Variants in FAM133A observed in about 807,000 individuals in gnomAD.
The protein encoded by FAM133A is family with sequence similarity 133 member A, also known as protein FAM133A.
For missense variants in FAM133A, 159 were observed against 164.4 expected, an observed-to-expected ratio of 0.97 and a Z score of 0.18; for synonymous variants, 65 against 58.6, an observed-to-expected ratio of 1.11 and a Z score of -0.50.
At chrX:93,706,097 A>G (rs1927028597) in intron 3 of FAM133A, among the ~76,000 whole-genome samples, 1 of 112,358 alleles carries the variant, frequency 8.9e-6, no homozygotes, top group Non-Finnish European at 1.9e-5. Flanking sequence ...AGCTAAGTAT[A>G]ATGGACATTT....
rs1385661351 is a variant in FAM133A at position 93,711,841 on chromosome X, T to C, written c.*1675T>C. ...TATATGTTTATGCTGATAAAAACTA[T>C]TACATTTATGGGATATTTTGTATCC... On this transcript the variant is annotated 3_prime_UTR_variant, in exon 4 of 4. Transcript: ENST00000683942. 1 of 123,288 alleles carries C rather than the reference T, an allele frequency of 8.1e-6. No homozygotes were observed. Among genetic ancestry groups the C allele is most frequent in the Non-Finnish European group, 1.9e-5 (1 of 53,270 alleles). 10.2% of individuals were successfully genotyped at this position (123,288 alleles called of 1,213,427 possible).
chrX:93,709,294 C>A (rs1263311011), intron 3 of FAM133A, 23 bp from the exon 4 acceptor site: 40 of 891,909 alleles, frequency 4.5e-5, no homozygotes, highest in Non-Finnish European at 5.7e-5. Flanking sequence ...GATTTGTAAT[C>A]ATTCCATCTG....
chrX:93,684,103 C>G (rs1488110359), intron 2 of FAM133A, among the ~76,000 whole-genome samples: 6 of 111,810 alleles, frequency 5.4e-5, no homozygotes, highest in Non-Finnish European at 9.4e-5. Context: ...AGCATTTACT[C>G]TATGTTTTCT....
rs1268186524 is a variant in FAM133A, at chrX:93,710,557, G to A, written c.*391G>A. ...ATTTTTGATGCAAGGACTTAATATTGATGTCTCAAATTCCTTGCTTTTGTA... is the reference window on the plus strand; with the variant it reads ...ATTTTTGATGCAAGGACTTAATATTAATGTCTCAAATTCCTTGCTTTTGTA... On this transcript the variant is annotated 3_prime_UTR_variant, in exon 4 of 4. Transcript: ENST00000683942. 7.4e-6 allele frequency: 1 copy of A among 134,980 alleles called. No individual in the cohort carries two copies. The highest frequency in any genetic ancestry group is 3.2e-5 in the African/African-American group (1 of 31,330). The allele number at this position is 134,980 out of a possible 1,213,427, so 11.1% of individuals were successfully genotyped here. A position where few individuals can be genotyped will look rare whatever the true frequency, so the allele number is the denominator to read the frequency against.
At chrX:93,688,156 T>C (rs1247739799) in intron 2 of FAM133A, among the ~76,000 whole-genome samples, 1 of 110,112 alleles carries the variant, frequency 9.1e-6, no homozygotes, top group Non-Finnish European at 1.9e-5. Flanking sequence ...TTCTTTTTTT[T>C]TTTTTGGCGG....
intron 2 of FAM133A, among the ~76,000 whole-genome samples, chrX:93,685,141 TTTC>T (rs1349269173): frequency 1.8e-5 from 2 of 111,897 alleles, no homozygotes; most frequent in Non-Finnish European, 3.8e-5. Context: ...CTTTTAATTG[TTTC>T]TTCTTATTTC....
intron 3 of FAM133A, among the ~76,000 whole-genome samples, chrX:93,700,908 A>G (rs1035626949): frequency 1.8e-4 from 20 of 111,713 alleles, no homozygotes; most frequent in Non-Finnish European, 3.0e-4. Context: ...TGTAAAACCA[A>G]GTAATGCTAT....
chrX:93,695,268 T>TC (rs955366197), intron 2 of FAM133A, among the ~76,000 whole-genome samples: 3 of 111,687 alleles, frequency 2.7e-5, no homozygotes, highest in Non-Finnish European at 5.6e-5. Context: ...GTTTTTTTTT[T>TC]CTGAGATGGA....
At chrX:93,675,293 C>G (rs966123739) in intron 2 of FAM133A, among the ~76,000 whole-genome samples, 1 of 111,697 alleles carries the variant, frequency 9.0e-6, no homozygotes, top group Non-Finnish European at 1.9e-5. Flanking sequence ...TACATACCTG[C>G]CTATTTATGT....
rs1927466501 is a variant in FAM133A at position 93,711,928 on chromosome X, A to T, written c.*1762A>T. The T allele has an allele frequency of 1.6e-5, 2 of 123,494 alleles. No individual in the cohort carries two copies. Among genetic ancestry groups the T allele is most frequent in the African/African-American group, 6.5e-5 (2 of 30,829 alleles). 10.2% of individuals were successfully genotyped at this position (123,494 alleles called of 1,213,427 possible). On this transcript the variant is annotated 3_prime_UTR_variant, in exon 4 of 4. Coordinates refer to ENST00000683942, the MANE Select transcript of FAM133A (RefSeq NM_001171109.2). ...TTTATAAGCTTATATTATTTGTAGA[A>T]TATGGCAAAAGCATTTACAGCTCAT... is the stretch of plus-strand genomic sequence containing the variant.
chrX:93,694,358 G>A (rs777194233), intron 2 of FAM133A, among the ~76,000 whole-genome samples: 2 of 110,710 alleles, frequency 1.8e-5, no homozygotes, highest in Admixed American at 9.7e-5. Flanking sequence ...TTGATTGCTT[G>A]TACTTTTAAA....
intron 2 of FAM133A, among the ~76,000 whole-genome samples, chrX:93,678,839 G>A (rs918351882): frequency 9.0e-6 from 1 of 111,500 alleles, no homozygotes; most frequent in African/African-American, 3.3e-5. Flanking sequence ...GACACAATCG[G>A]TAGTTATCCA....
chrX:93,693,934 G>C (rs1421283167), intron 2 of FAM133A, among the ~76,000 whole-genome samples: 1 of 111,320 alleles, frequency 9.0e-6, no homozygotes, highest in Non-Finnish European at 1.9e-5. Context: ...TATAATATTT[G>C]TTAAAATTAA....
At chrX:93,684,767 A>G (rs1925400319) in intron 2 of FAM133A, among the ~76,000 whole-genome samples, 1 of 108,378 alleles carries the variant, frequency 9.2e-6, no homozygotes, top group Non-Finnish European at 1.9e-5. Flanking sequence ...TATTTTTATA[A>G]TTAAAAAAAC....
chrX:93,694,166 T>A (rs1256241058), intron 2 of FAM133A, among the ~76,000 whole-genome samples: 3 of 111,267 alleles, frequency 2.7e-5, no homozygotes, highest in East Asian at 5.6e-4. Flanking sequence ...TTACTGAGCA[T>A]CTTTTGAGAA....
intron 2 of FAM133A, among the ~76,000 whole-genome samples, chrX:93,685,785 C>T (rs1249223210): frequency 5.4e-5 from 6 of 111,456 alleles, no homozygotes; most frequent in African/African-American, 2.0e-4. Context: ...CTCAAGCTCT[C>T]TTGCTTCCCT....
chrX:93,686,493 T>G (rs1422590115), intron 2 of FAM133A, among the ~76,000 whole-genome samples: 1 of 112,215 alleles, frequency 8.9e-6, no homozygotes, highest in Non-Finnish European at 1.9e-5. Context: ...ATGTAATATT[T>G]AATTCATTGG....
At chrX:93,699,551 G>A (rs1417802546) in intron 3 of FAM133A, among the ~76,000 whole-genome samples, 1 of 111,094 alleles carries the variant, frequency 9.0e-6, no homozygotes, top group African/African-American at 3.3e-5. Context: ...ATATCCTCCA[G>A]CGGCTTTCTT....
At chrX:93,704,206 G>C (rs1037838362) in intron 3 of FAM133A, among the ~76,000 whole-genome samples, 1 of 111,697 alleles carries the variant, frequency 9.0e-6, no homozygotes, top group Non-Finnish European at 1.9e-5. Flanking sequence ...CTGTGACTTA[G>C]ATTGCACTAT....
Sources: gnomAD v4.1 joint callset for allele counts (sites outside exome capture counted in the v4.1 genomes callset) on GRCh38, gnomAD v4.1.1 for gene constraint, MANE v1.5 for transcripts, NCBI Gene and HGNC (gene_info 2026-07-23, HGNC 2026-07-21) for gene names.